IRX2: variants seen among roughly 807,000 people sequenced by gnomAD.
IRX2 encodes the protein iroquois homeobox 2.
IRX2 carries 26 observed loss-of-function variants against 42.9 expected under a neutral mutation model. That is an observed-to-expected ratio of 0.61 (90% CI 0.44 to 0.84). The LOEUF (loss-of-function observed/expected upper bound fraction) is 0.84, where lower values mean the gene tolerates loss of function less well. IRX2 is among the 40% of genes least tolerant of loss of function. The pLI is 0.00. For missense variants in IRX2, 782 were observed against 713.9 expected (o/e 1.10, Z -1.09); for synonymous variants, 424 against 353.9 (o/e 1.20, Z -2.22).
intron 1 of IRX2, among the ~76,000 whole-genome samples, chr5:2,750,489 G>C (rs1737905167): frequency 6.6e-6 from 1 of 152,184 alleles, no homozygotes; most frequent in Non-Finnish European, 1.5e-5. Flanking sequence ...CAGTAACCTC[G>C]AGACTCGCGA....
downstream of IRX2, among the ~76,000 whole-genome samples, chr5:2,744,496 G>A (rs1023964324): frequency 2.0e-5 from 3 of 152,056 alleles, no homozygotes; most frequent in South Asian, 2.1e-4. Flanking sequence ...AATCTAAAAC[G>A]CTTCCTGAAG....
At position 2,749,721 on chromosome 5, in the gene IRX2, C is replaced by T; in HGVS notation, c.316G>A (p.Ala106Thr). The T allele has an allele frequency of 6.2e-7, 1 of 1,613,794 alleles. No homozygotes were observed. Reference sequence around the variant, plus strand: ...TCGTTGAGCTGGTACGGGTAGGCCGCGCTGCCGTACGGGTGGTAGCTGATG... The same window carrying T: ...TCGTTGAGCTGGTACGGGTAGGCCGTGCTGCCGTACGGGTGGTAGCTGATG... ...GAISYHPYGS[A>T]AYPYQLNDPA... The change falls in exon 2 of 4, where the codon GCG becomes ACG. Residue 106 changes from alanine to threonine, a missense_variant. Ala to Thr is a moderately conservative substitution (Grantham distance 58). Transcript: ENST00000302057.
downstream of IRX2, among the ~76,000 whole-genome samples, chr5:2,743,538 A>G (rs1229230391): frequency 6.6e-6 from 1 of 151,388 alleles, no homozygotes; most frequent in Non-Finnish European, 1.5e-5. Context: ...CGGGCCGCGG[A>G]GCCGGGAGCG....
chr5:2,739,009 A>G, the IRX2 span, among the ~76,000 whole-genome samples: 5 of 151,980 alleles, frequency 3.3e-5, no homozygotes, highest in African/African-American at 4.8e-5. Context: ...CGTCGCCTCC[A>G]TCCCGGCCGC....
Position 2,751,523 on chromosome 5 carries a change from C to T in IRX2, c.-110G>A. The T allele has an allele frequency of 1.3e-6, 1 of 769,406 alleles. No homozygotes were observed. Among genetic ancestry groups the T allele is most frequent in the Non-Finnish European group, 1.6e-6 (1 of 636,900 alleles). The allele number at this position is 769,406 out of a possible 1,614,324, so 47.7% of individuals were successfully genotyped here. A position where few individuals can be genotyped will look rare whatever the true frequency, so the allele number is the denominator to read the frequency against. The stretch of plus-strand genomic sequence containing the variant: ...GGCGCGGCGGCGGGCACCCGGACGG[C>T]CGGCGGAGGCAGGCCGGCCCGGGTA... On this transcript the variant is annotated 5_prime_UTR_variant, in exon 1 of 4. Transcript: ENST00000302057. This position sits in a 1 kb window ranked among gnomAD's most constrained non-coding sequence, Gnocchi z 4.0.
At position 2,748,486 on chromosome 5, in the gene IRX2, G is replaced by T. The variant is rs758858412; in HGVS notation, c.1222C>A (p.Leu408Met). 10 of 1,580,002 alleles carry T rather than the reference G, an allele frequency of 6.3e-6. No homozygotes were observed. In the East Asian group the frequency reaches 2.0e-4, roughly 31 times the overall value. ...GCCGCGGCCGCAGAGTTGTACCGCA[G>T]GAGACCCTGGCCCTGCAGCGCCGCG... ...LNAALQGQGL[L>M]RYNSAAAAPG... Residue 408 changes from leucine (L) to methionine (M), a missense_variant, in exon 3 of 4, where the codon CTG becomes ATG. Physicochemically the swap from Leu to Met is conservative, Grantham distance 15 (BLOSUM62 2). This residue lies in a region of IRX2 where 520 missense variants were observed against 437.8 expected (regional missense o/e 1.19). Transcript: ENST00000302057.
At position 2,751,070 on chromosome 5, in the gene IRX2, G is replaced by A; in HGVS notation, c.249+95C>T. ...AGTCGCCAGCCGCGCCACATTCCCG[G>A]CGGCCCCCGCCCGCCGAACCCGAGC... On this transcript the variant is annotated intron_variant, in intron 1 of 3. Coordinates refer to ENST00000302057, the MANE Select transcript of IRX2 (RefSeq NM_033267.5). The surrounding 1 kb of genome is among the most constrained non-coding windows in gnomAD (Gnocchi z 4.0). 1 of 1,173,356 alleles carries A rather than the reference G, an allele frequency of 8.5e-7. No individual in the cohort carries two copies. Among genetic ancestry groups the A allele is most frequent in the Non-Finnish European group, 1.1e-6 (1 of 948,294 alleles). The allele number at this position is 1,173,356 out of a possible 1,614,324, so 72.7% of individuals were successfully genotyped here. A position where few individuals can be genotyped will look rare whatever the true frequency, so the allele number is the denominator to read the frequency against.
the IRX2 span, among the ~76,000 whole-genome samples, chr5:2,738,179 T>C: frequency 9.9e-5 from 15 of 152,202 alleles, no homozygotes; most frequent in African/African-American, 3.1e-4. Context: ...CTCAGCCCCT[T>C]CCTTTATAAA....
At chr5:2,745,397 A>G (rs2111439312), downstream of IRX2, among the ~76,000 whole-genome samples, 1 of 152,342 alleles carries the variant, frequency 6.6e-6, no homozygotes, top group Non-Finnish European at 1.5e-5. Context: ...TATTATATGG[A>G]TATCCATATA....
downstream of IRX2, among the ~76,000 whole-genome samples, chr5:2,744,658 A>G (rs1737618394): frequency 6.6e-6 from 1 of 152,202 alleles, no homozygotes. Flanking sequence ...CCATGTGAAA[A>G]ATCTTTCCTC....
the IRX2 span, among the ~76,000 whole-genome samples, chr5:2,739,409 C>T: frequency 6.6e-6 from 1 of 152,240 alleles, no homozygotes; most frequent in African/African-American, 2.4e-5. Flanking sequence ...GGCTACACGG[C>T]TCGCGCCGAC....
At position 2,748,403 on chromosome 5, in the gene IRX2, G is replaced by A; in HGVS notation, c.1305C>T (p.Gly435=). 1 of 1,487,428 alleles carries A rather than the reference G, an allele frequency of 6.7e-7. No homozygotes were observed. Among genetic ancestry groups the A allele is most frequent in the Non-Finnish European group, 8.9e-7 (1 of 1,123,748 alleles). 92.1% of individuals were successfully genotyped at this position (1,487,428 alleles called of 1,614,324 possible). ...PKAASDAGKA[G]AHPLESHYRS... is the part of the protein sequence containing the mutation. ...GGTAGTGGGACTCGAGCGGGTGCGCGCCCGCCTTGCCCGCGTCGCTGGCCG... is the reference window on the plus strand; with the variant it reads ...GGTAGTGGGACTCGAGCGGGTGCGCACCCGCCTTGCCCGCGTCGCTGGCCG... The change falls in exon 3 of 4, where the codon GGC becomes GGT. Residue 435 remains glycine, a synonymous_variant. Transcript: ENST00000302057.
chr5:2,748,605 C>T lies in IRX2; in HGVS notation c.1103G>A (p.Gly368Glu), dbSNP rs1579626995. ...AAPASTGAPPGGSPYPASPLL... is the reference protein window; with the variant it reads ...AAPASTGAPPEGSPYPASPLL... ...CGGCGAGGCAGGGTAGGGCGAGCCT[C>T]CTGGCGGTGCCCCGGTTGAGGCCGG... The change falls in exon 3 of 4, where the codon GGA becomes GAA. Residue 368 changes from glycine (G) to glutamate (E), a missense_variant. Coordinates refer to ENST00000302057, the MANE Select transcript of IRX2 (RefSeq NM_033267.5). 6.5e-7 allele frequency: 1 copy of T among 1,536,214 alleles called. No homozygotes were observed. Among genetic ancestry groups the T allele is most frequent in the Admixed American group, 2.0e-5 (1 of 48,974 alleles).
chr5:2,738,945 G>A, the IRX2 span, among the ~76,000 whole-genome samples: 1 of 152,204 alleles, frequency 6.6e-6, no homozygotes, highest in Non-Finnish European at 1.5e-5. Flanking sequence ...TGACTCCCCA[G>A]GCTGCCGGGT....
Position 2,749,661 on chromosome 5 carries a change from T to C in IRX2, c.376A>G (p.Thr126Ala), listed in dbSNP as rs1267708045. 6.2e-7 allele frequency: 1 copy of C among 1,614,074 alleles called. No homozygotes were observed. The highest frequency in any genetic ancestry group is 1.3e-5 in the African/African-American group (1 of 74,928). The change falls in exon 2 of 4, where the codon ACG (threonine) becomes GCG (alanine). Residue 126 changes from threonine to alanine, a missense_variant. Physicochemically the swap from Thr to Ala is moderately conservative, Grantham distance 58. This residue lies in a region of IRX2 where 256 missense variants were observed against 250.0 expected (regional missense o/e 1.02). Coordinates refer to ENST00000302057, the MANE Select transcript of IRX2 (RefSeq NM_033267.5). ...AYRKNATRDA[T>A]ATLKAWLNEH... ...TTGAGCCAGGCCTTGAGAGTGGCCG[T>C]GGCGTCCCGCGTGGCGTTCTTGCGG...
chr5:2,751,289 C>A lies in IRX2; in HGVS notation c.125G>T (p.Gly42Val). 2.1e-6 allele frequency: 3 copies of A among 1,431,784 alleles called. No homozygotes were observed. Among genetic ancestry groups the A allele is most frequent in the Non-Finnish European group, 2.7e-6 (3 of 1,092,936 alleles). 88.7% of individuals were successfully genotyped at this position (1,431,784 alleles called of 1,614,324 possible). The change falls in exon 1 of 4, where the codon GGC becomes GTC. Residue 42 changes from glycine to valine, a missense_variant. Transcript: ENST00000302057. This position sits in a 1 kb window ranked among gnomAD's most constrained non-coding sequence, Gnocchi z 4.0. ...GCCCGGGTAGGGGCTGAACGCCGAGCCCGACGCCGAGCGCGCCAGCTCCTC... is the reference window on the plus strand; with the variant it reads ...GCCCGGGTAGGGGCTGAACGCCGAGACCGACGCCGAGCGCGCCAGCTCCTC... ...RSEELARSAS[G>V]SAFSPYPGSA... is the part of the protein sequence containing the mutation.
chr5:2,738,385 A>T, the IRX2 span, among the ~76,000 whole-genome samples: 1 of 152,156 alleles, frequency 6.6e-6, no homozygotes, highest in Admixed American at 6.5e-5. Flanking sequence ...TATAAAACAA[A>T]TTGTTTTTCC....
At chr5:2,743,152 C>G (rs1737578915), downstream of IRX2, among the ~76,000 whole-genome samples, 1 of 152,182 alleles carries the variant, frequency 6.6e-6, no homozygotes, top group Non-Finnish European at 1.5e-5. Context: ...GAGGCGCACC[C>G]CAGGCTGGCT....
At position 2,751,058 on chromosome 5, in the gene IRX2, G is replaced by A. The variant is rs1304566468; in HGVS notation, c.249+107C>T. The A allele has an allele frequency of 2.2e-5, 25 of 1,154,264 alleles. No homozygotes were observed. The African/African-American group carries it at 3.9e-4, about 18-fold the overall frequency. 71.5% of individuals were successfully genotyped at this position (1,154,264 alleles called of 1,614,324 possible). A position where few individuals can be genotyped will look rare whatever the true frequency, so the allele number is the denominator to read the frequency against. On this transcript the variant is annotated intron_variant, in intron 1 of 3. Transcript: ENST00000302057. The surrounding 1 kb of genome is among the most constrained non-coding windows in gnomAD (Gnocchi z 4.0). Reference sequence around the variant, plus strand: ...CGGCGACTCCTGAGTCGCCAGCCGCGCCACATTCCCGGCGGCCCCCGCCCG... The same window carrying A: ...CGGCGACTCCTGAGTCGCCAGCCGCACCACATTCCCGGCGGCCCCCGCCCG...
Sources: gnomAD v4.1 joint callset for allele counts (sites outside exome capture counted in the v4.1 genomes callset) on GRCh38, gnomAD v4.1.1 for gene constraint, gnomAD v4.1.1 regional missense constraint, Gnocchi (gnomAD v3.1) non-coding constraint, MANE v1.5 for transcripts, NCBI Gene and HGNC (gene_info 2026-07-23, HGNC 2026-07-21) for gene names.